Variants in RIPOR2 observed in about 807,000 individuals in gnomAD.
RIPOR2 encodes rho family-interacting cell polarization regulator 2.
RIPOR2 carries 39 observed loss-of-function variants against 114.5 expected under a neutral mutation model. The observed-to-expected ratio is 0.34, with a 90% confidence interval of 0.26 to 0.44. The LOEUF is 0.44. Among genes scored for constraint, RIPOR2 ranks in the 20% least tolerant of loss-of-function variants. The pLI, the probability that RIPOR2 is intolerant of heterozygous loss-of-function variation, is 1.00. For synonymous variants in RIPOR2, 445 were observed against 484.4 expected (o/e 0.92, Z 1.07); for missense variants, 1,007 against 1,255.1 (o/e 0.80, Z 2.99).
intron 1 of RIPOR2, among the ~76,000 whole-genome samples, chr6:24,951,479 A>G (rs1176926892): frequency 6.6e-6 from 1 of 152,214 alleles, no homozygotes; most frequent in East Asian, 1.9e-4. Flanking sequence ...AGACTTCCGT[A>G]AAAGGATCCC....
chr6:24,833,513 CAAAA>C (rs556534184), intron 15 of RIPOR2, among the ~76,000 whole-genome samples: 1 of 150,924 alleles, frequency 6.6e-6, no homozygotes, highest in African/African-American at 2.5e-5. Context: ...AAAACAAAAA[CAAAA>C]ACAACAACAA....
chr6:24,997,935 T>C (rs1462342804), intron 1 of RIPOR2, among the ~76,000 whole-genome samples: 1 of 152,146 alleles, frequency 6.6e-6, no homozygotes, highest in Non-Finnish European at 1.5e-5. Flanking sequence ...CTTTGGGTGA[T>C]TCTCACACTT....
At chr6:25,024,909 T>C (rs1015678226) in intron 1 of RIPOR2, among the ~76,000 whole-genome samples, 1 of 152,250 alleles carries the variant, frequency 6.6e-6, no homozygotes, top group African/African-American at 2.4e-5. Flanking sequence ...CTTGGAAAGC[T>C]ATTTTCTCTG....
At chr6:24,852,817 G>C (rs944235714) in intron 8 of RIPOR2, among the ~76,000 whole-genome samples, 199 bp from the exon 9 acceptor site, 1 of 152,212 alleles carries the variant, frequency 6.6e-6, no homozygotes, top group Admixed American at 6.5e-5. Context: ...ATTCCTGGAT[G>C]AAGTGATGGA....
chr6:24,920,470 C>T (rs1770398714), intron 1 of RIPOR2, among the ~76,000 whole-genome samples: 1 of 152,184 alleles, frequency 6.6e-6, no homozygotes, highest in Non-Finnish European at 1.5e-5. Flanking sequence ...TCCCTCTGAT[C>T]TTTCCTTAAA....
intron 1 of RIPOR2, chr6:24,947,873 G>T (rs1739317): frequency 6.6e-6 from 1 of 152,030 alleles, no homozygotes. Context: ...TTAATAGCTC[G>T]TCTAGTTCAA....
At chr6:24,807,431 C>T (rs1780844258) in intron 21 of RIPOR2, among the ~76,000 whole-genome samples, 4 of 152,212 alleles carry the variant, frequency 2.6e-5, no homozygotes, top group Admixed American at 2.6e-4. Context: ...GAGATTGCAT[C>T]ATTGCACTCC....
intron 7 of RIPOR2, among the ~76,000 whole-genome samples, chr6:24,863,043 C>T (rs1053604778): frequency 1.3e-5 from 2 of 152,138 alleles, no homozygotes; most frequent in African/African-American, 2.4e-5. Context: ...ACCTCTGCCT[C>T]CCAGGTTCAA....
intron 1 of RIPOR2, among the ~76,000 whole-genome samples, chr6:24,960,173 T>C (rs1773238936): frequency 6.6e-6 from 1 of 152,188 alleles, no homozygotes; most frequent in Non-Finnish European, 1.5e-5. Context: ...GGATGCATGT[T>C]GTTGTCTGTT....
At chr6:24,996,119 C>A (rs909869008) in intron 1 of RIPOR2, among the ~76,000 whole-genome samples, 2 of 152,164 alleles carry the variant, frequency 1.3e-5, no homozygotes, top group African/African-American at 4.8e-5. Context: ...ATATTTTTAA[C>A]CTAGAAAATA....
At chr6:24,887,618 C>A (rs551851440) in intron 1 of RIPOR2, among the ~76,000 whole-genome samples, 2 of 152,154 alleles carry the variant, frequency 1.3e-5, no homozygotes, top group African/African-American at 2.4e-5. Context: ...TACTGCTCTC[C>A]CTTTTCCCTC....
chr6:25,014,876 T>C (rs1775902941), intron 1 of RIPOR2: 1 of 152,166 alleles, frequency 6.6e-6, no homozygotes, highest in Admixed American at 6.5e-5. Flanking sequence ...CGAGGGATCA[T>C]TCAGTTTGTT....
chr6:24,849,918 G>C lies in RIPOR2; in HGVS notation c.918C>G (p.Ile306Met). ...TCTCACAGGTCACGCTACCTACCAG[G>C]ATGTGAGTTGCTAGCCCTTTGAGCT... ...VTELKGLATH[I>M]LVGSVTCETK... The change falls in exon 11 of 22, where the codon ATC becomes ATG. Residue 306 changes from isoleucine (I) to methionine (M), a missense_variant. Ile to Met is a conservative substitution (Grantham distance 10). Transcript: ENST00000643898. 1 of 1,613,848 alleles carries C rather than the reference G, an allele frequency of 6.2e-7. No homozygotes were observed. Among genetic ancestry groups the C allele is most frequent in the Non-Finnish European group, 8.5e-7 (1 of 1,179,798 alleles).
At chr6:24,926,502 G>A (rs606162) in intron 1 of RIPOR2, among the ~76,000 whole-genome samples, 24,420 of 152,142 alleles carry the variant, frequency 0.16, 2,369 homozygotes, top group African/African-American at 0.27. Flanking sequence ...GTTATTCTCA[G>A]CCCTGCCTTG....
chr6:25,005,740 T>TATATATATATAC lies in RIPOR2; in HGVS notation c.76+36110_76+36111insGTATATATATAT, dbSNP rs1491374316. Among the ~76,000 whole-genome samples, 86 of 104,494 alleles carry TATATATATATAC rather than the reference T, an allele frequency of 8.2e-4. 6 individuals carry two copies. The highest frequency in any genetic ancestry group is 3.8e-3 in the South Asian group (10 of 2,652). The allele number at this position is 104,494 out of a possible 152,430, so 68.6% of individuals were successfully genotyped here. A position where few individuals can be genotyped will look rare whatever the true frequency, so the allele number is the denominator to read the frequency against. ...ATATATATATATATATATATATATA[T>TATATATATATAC]ACATTTACCGATCAAAAGATATGCC... On this transcript the variant is annotated intron_variant, in intron 1 of 13. Transcript: ENST00000510784.
intron 1 of RIPOR2, among the ~76,000 whole-genome samples, chr6:25,012,570 C>A (rs1355453318): frequency 6.6e-6 from 1 of 152,102 alleles, no homozygotes; most frequent in Non-Finnish European, 1.5e-5. Flanking sequence ...CTGATGCATG[C>A]TACAAAATAA....
At position 24,906,087 on chromosome 6, in the gene RIPOR2, TG is replaced by T. The variant is rs368904301; in HGVS notation, c.61+29750del. On this transcript the variant is annotated intron_variant, in intron 1 of 21. Transcript: ENST00000643898. ...TTTCGGTATGGTCATTGGCCAACCT[TG>T]TTCTAGTATCATCATCATTAATAGT... Among the ~76,000 whole-genome samples, 33 of 152,050 alleles carry T rather than the reference TG, an allele frequency of 2.2e-4. No individual in the cohort carries two copies. In the East Asian group the frequency reaches 6.4e-3, roughly 29 times the overall value.
At chr6:24,852,747 G>T in intron 8 of RIPOR2, 129 bp from the exon 9 acceptor site, 2 of 604,574 alleles carry the variant, frequency 3.3e-6, no homozygotes, top group Non-Finnish European at 5.5e-6. Context: ...CACTTTTTGG[G>T]GCCATTCCTG....
chr6:24,845,567 A>G (rs1762182360), intron 12 of RIPOR2, among the ~76,000 whole-genome samples: 1 of 152,142 alleles, frequency 6.6e-6, no homozygotes, highest in South Asian at 2.1e-4. Context: ...CTTCCCAGCC[A>G]TTTGTCTTGA....
Sources: gnomAD v4.1 joint callset for allele counts (sites outside exome capture counted in the v4.1 genomes callset) on GRCh38, gnomAD v4.1.1 for gene constraint, MANE v1.5 for transcripts, NCBI Gene and HGNC (gene_info 2026-07-23, HGNC 2026-07-21) for gene names.